The following PTPRD variants were observed in gnomAD, a reference collection of about 807,000 sequenced individuals.
PTPRD encodes the protein protein tyrosine phosphatase receptor type D.
Under a neutral mutation model 214.5 loss-of-function variants are expected in PTPRD, and 34 were observed. The observed-to-expected ratio is 0.16, with a 90% confidence interval of 0.12 to 0.21. PTPRD has a LOEUF of 0.21. PTPRD is among the 10% of genes least tolerant of loss of function. The pLI is 1.00. For missense variants in PTPRD, 2,545 were observed against 2,398.7 expected (o/e 1.06, Z -1.27); for synonymous variants, 1,128 against 845.7 (o/e 1.33, Z -5.79).
chr9:8,839,309 T>C (rs1437574127), intron 11 of PTPRD, among the ~76,000 whole-genome samples: 2 of 148,082 alleles, frequency 1.4e-5, no homozygotes, highest in Non-Finnish European at 3.0e-5. Context: ...ATTTTATTTA[T>C]TTATTTATTT....
intron 3 of PTPRD, among the ~76,000 whole-genome samples, chr9:10,204,644 T>C (rs566243919): frequency 6.6e-6 from 1 of 152,308 alleles, no homozygotes; most frequent in East Asian, 1.9e-4. Flanking sequence ...ACAAAGGCAG[T>C]ATTGATGTTG....
intron 5 of PTPRD, among the ~76,000 whole-genome samples, chr9:9,812,827 A>G (rs557000543): frequency 6.6e-6 from 1 of 152,256 alleles, no homozygotes; most frequent in East Asian, 1.9e-4. Flanking sequence ...AAAGCAGAAG[A>G]CACATTCTTC....
chr9:9,513,116 G>T (rs186160057), intron 8 of PTPRD, among the ~76,000 whole-genome samples: 4 of 151,924 alleles, frequency 2.6e-5, no homozygotes, highest in Admixed American at 1.3e-4. Context: ...AAAATAACAA[G>T]ATAGTATATG....
Position 8,521,297 on chromosome 9 carries a change from A to G in PTPRD, c.941T>C (p.Ile314Thr), listed in dbSNP as rs771347752. 23 of 1,613,606 alleles carry G rather than the reference A, an allele frequency of 1.4e-5. No homozygotes were observed. Among genetic ancestry groups the G allele is most frequent in the Non-Finnish European group, 1.9e-5 (22 of 1,179,694 alleles). ...CATACCTTTGACAGTGATCTGTGCTATTGCTTCAATGACACCCAGTGTTGA... is the reference window on the plus strand; with the variant it reads ...CATACCTTTGACAGTGATCTGTGCTGTTGCTTCAATGACACCCAGTGTTGA... Reference protein sequence around the residue: ...AMSTLGVIEAIAQITVKALPK... With the variant: ...AMSTLGVIEATAQITVKALPK... Residue 314 changes from isoleucine to threonine, a missense_variant, in exon 20 of 46, where the codon ATA (isoleucine) becomes ACA (threonine). By Grantham distance (89) the Ile-to-Thr change is moderately conservative. Coordinates refer to ENST00000381196, the MANE Select transcript of PTPRD (RefSeq NM_002839.4).
At chr9:9,287,704 A>G (rs1949951431) in intron 9 of PTPRD, among the ~76,000 whole-genome samples, 2 of 151,928 alleles carry the variant, frequency 1.3e-5, no homozygotes, top group Non-Finnish European at 2.9e-5. Flanking sequence ...TATTTGCAGC[A>G]CTTTTGAAAC....
intron 5 of PTPRD, among the ~76,000 whole-genome samples, chr9:9,919,145 A>G (rs1438830676): frequency 6.6e-6 from 1 of 152,178 alleles, no homozygotes; most frequent in Non-Finnish European, 1.5e-5. Context: ...AATAAGTCAT[A>G]TTATTTAAAT....
In PTPRD at chr9:10,060,869, TTTCCTTCCTTCC is replaced by T. The variant is rs761292264; in HGVS notation, c.-544-27091_-544-27080del. 2.9e-4 allele frequency among the ~76,000 whole-genome samples: 24 copies of T among 83,484 alleles called. 6 individuals are homozygous for T. The African/African-American group carries it at 3.1e-3, about 11-fold the overall frequency. 54.8% of individuals were successfully genotyped at this position (83,484 alleles called of 152,430 possible). On this transcript the variant is annotated intron_variant, in intron 3 of 45. Coordinates refer to ENST00000381196, the MANE Select transcript of PTPRD (RefSeq NM_002839.4). ...CTTTCCTTTCTTTCTTCCTTCCTTCTTTCCTTCCTTCCTTCCTTCCTTCCTTCCTTCTTTCTT... is the reference window on the plus strand; with the variant it reads ...CTTTCCTTTCTTTCTTCCTTCCTTCTTTCCTTCCTTCCTTCCTTCTTTCTT...
At chr9:10,518,712 T>C (rs1305238446) in intron 2 of PTPRD, among the ~76,000 whole-genome samples, 2 of 151,732 alleles carry the variant, frequency 1.3e-5, no homozygotes, top group African/African-American at 4.8e-5. Flanking sequence ...TTTTGTATTT[T>C]TAGTACAGAC....
At chr9:9,667,258 T>C (rs527968620) in intron 7 of PTPRD, among the ~76,000 whole-genome samples, 2 of 152,210 alleles carry the variant, frequency 1.3e-5, no homozygotes, top group South Asian at 4.1e-4. Flanking sequence ...CTCCAAATAT[T>C]ACCATACCTT....
chr9:9,865,082 T>C (rs1439697950), intron 5 of PTPRD, among the ~76,000 whole-genome samples: 2 of 152,308 alleles, frequency 1.3e-5, no homozygotes, highest in East Asian at 1.9e-4. Flanking sequence ...CCTCTACAAA[T>C]TGCAAATCTA....
At chr9:10,094,867 T>C (rs1050236078) in intron 3 of PTPRD, among the ~76,000 whole-genome samples, 3 of 151,460 alleles carry the variant, frequency 2.0e-5, no homozygotes, top group African/African-American at 7.3e-5. Flanking sequence ...TGCCAGGTTT[T>C]TATGCATTAG....
chr9:10,155,993 T>C (rs775509271), intron 3 of PTPRD, among the ~76,000 whole-genome samples: 1 of 151,642 alleles, frequency 6.6e-6, no homozygotes, highest in South Asian at 2.1e-4. Context: ...TTCTCCTCAA[T>C]TTTTTTTGGA....
intron 9 of PTPRD, among the ~76,000 whole-genome samples, chr9:9,356,574 T>C (rs1426964637): frequency 6.6e-6 from 1 of 151,394 alleles, no homozygotes; most frequent in Non-Finnish European, 1.5e-5. Flanking sequence ...TCCATTTCAA[T>C]CACGTTTGAA....
intron 2 of PTPRD, among the ~76,000 whole-genome samples, chr9:10,363,837 T>C (rs141537108): frequency 1.2e-4 from 18 of 152,116 alleles, no homozygotes; most frequent in African/African-American, 3.9e-4. Flanking sequence ...CTATGGAAAA[T>C]TTTAAAGAAA....
chr9:8,954,019 T>G (rs2099118017), intron 11 of PTPRD, among the ~76,000 whole-genome samples: 2 of 151,960 alleles, frequency 1.3e-5, no homozygotes, highest in Non-Finnish European at 2.9e-5. Context: ...AAAGAAATCA[T>G]TCTACCAAAA....
At chr9:9,244,673 C>G (rs1014930139) in intron 9 of PTPRD, among the ~76,000 whole-genome samples, 3 of 151,998 alleles carry the variant, frequency 2.0e-5, no homozygotes, top group Non-Finnish European at 2.9e-5. Context: ...GACCAAAAAC[C>G]ATAAAAACCC....
chr9:9,955,991 A>G (rs1229135813), intron 4 of PTPRD, among the ~76,000 whole-genome samples: 1 of 152,160 alleles, frequency 6.6e-6, no homozygotes, highest in Non-Finnish European at 1.5e-5. Flanking sequence ...AAAATCTTAC[A>G]CAATAATTAT....
chr9:9,776,286 T>G (rs1267362367), intron 5 of PTPRD, among the ~76,000 whole-genome samples: 5 of 152,220 alleles, frequency 3.3e-5, no homozygotes, highest in African/African-American at 1.2e-4. Context: ...CTTTCAGTAC[T>G]AAGTTCATAC....
At chr9:8,702,010 T>C (rs2098096782) in intron 12 of PTPRD, among the ~76,000 whole-genome samples, 1 of 152,328 alleles carries the variant, frequency 6.6e-6, no homozygotes, top group East Asian at 1.9e-4. Context: ...CATTTGGCTT[T>C]AGATCTGATA....
Sources: allele counts gnomAD v4.1 joint callset (sites outside exome capture counted in the v4.1 genomes callset), GRCh38; gene constraint gnomAD v4.1.1; transcripts MANE v1.5; gene names NCBI Gene and HGNC (gene_info 2026-07-23, HGNC 2026-07-21).